The following GREB1L variants were observed in gnomAD, a reference collection of about 807,000 sequenced individuals.
GREB1L encodes GREB1 like retinoic acid receptor coactivator, also known as GREB1-like protein.
GREB1L carries 17 observed loss-of-function variants against 200.8 expected under a neutral mutation model. That is an observed-to-expected ratio of 0.08 (90% CI 0.06 to 0.13). The LOEUF (loss-of-function observed/expected upper bound fraction) is 0.13, where lower values mean the gene tolerates loss of function less well. GREB1L is among the 10% of genes least tolerant of loss of function. GREB1L has a pLI of 1.00. For synonymous variants in GREB1L, 789 were observed against 893.0 expected (o/e 0.88, Z 2.08); for missense variants, 1,657 against 2,367.7 (o/e 0.70, Z 6.23).
intron 29 of GREB1L, among the ~76,000 whole-genome samples, 196 bp from the exon 30 acceptor site, chr18:21,516,415 TCA>T (rs2037419428): frequency 6.6e-6 from 1 of 152,158 alleles, no homozygotes; most frequent in South Asian, 2.1e-4. Flanking sequence ...AAAAATAATC[TCA>T]CTTTCCCCTT....
At chr18:21,327,351 T>C (rs1258567952) in intron 1 of GREB1L, among the ~76,000 whole-genome samples, 1 of 152,150 alleles carries the variant, frequency 6.6e-6, no homozygotes, top group African/African-American at 2.4e-5. Flanking sequence ...CCCTTCCTCA[T>C]GTCCCAGACC....
At chr18:21,267,599 TAGCA>T (rs2037992476) in intron 1 of GREB1L, among the ~76,000 whole-genome samples, 1 of 152,192 alleles carries the variant, frequency 6.6e-6, no homozygotes, top group Non-Finnish European at 1.5e-5. Context: ...CCTCAGATCC[TAGCA>T]CAGATGTAGG....
chr18:21,433,554 T>G (rs2033316994), intron 7 of GREB1L, among the ~76,000 whole-genome samples: 1 of 152,200 alleles, frequency 6.6e-6, no homozygotes, highest in Admixed American at 6.5e-5. Flanking sequence ...TTCCCACAAC[T>G]TTGTAATGTT....
In GREB1L at chr18:21,381,538, CATAG is replaced by C. The variant is rs1035671491; in HGVS notation, c.-9-1967_-9-1964del. On this transcript the variant is annotated intron_variant, in intron 2 of 32. Coordinates refer to ENST00000424526, the MANE Select transcript of GREB1L (RefSeq NM_001142966.3). ...ATAATAAAACCCCACTGTATATGAA[CATAG>C]ATAGCATATTTTATGAAAAATAATT... Among the ~76,000 whole-genome samples the C allele has an allele frequency of 4.0e-5, 6 of 151,856 alleles. No homozygotes were observed. In the South Asian group the frequency reaches 6.2e-4, roughly 16 times the overall value.
At chr18:21,318,738 C>T (rs2038909214) in intron 1 of GREB1L, among the ~76,000 whole-genome samples, 4 of 152,140 alleles carry the variant, frequency 2.6e-5, no homozygotes, top group Admixed American at 2.6e-4. Context: ...ATAGTGACAG[C>T]TCTTTTAACC....
rs148720918 is a variant in GREB1L, at chr18:21,315,172, G to A, written c.-119-50855G>A. Among the ~76,000 whole-genome samples the A allele has an allele frequency of 7.1e-4, 108 of 152,110 alleles. 1 individual carries two copies. The highest frequency in any genetic ancestry group is 2.6e-3 in the African/African-American group (106 of 41,484). On this transcript the variant is annotated intron_variant, in intron 1 of 32. Transcript: ENST00000424526. ...TGGCATGGTTATGGCTCACTTTAAC[G>A]TCAAACTCCAGGGCTCAAGCAATCC...
chr18:21,377,391 C>T (rs1259713009), intron 2 of GREB1L, among the ~76,000 whole-genome samples: 5 of 152,154 alleles, frequency 3.3e-5, no homozygotes, highest in Admixed American at 3.3e-4. Flanking sequence ...TACTCCTTAA[C>T]CTGTATGTTT....
chr18:21,414,225 C>T (rs796480582), intron 7 of GREB1L, among the ~76,000 whole-genome samples: 2 of 152,114 alleles, frequency 1.3e-5, no homozygotes, highest in East Asian at 1.9e-4. Flanking sequence ...CATTATGAAC[C>T]GTGCAGCCAC....
Position 21,450,977 on chromosome 18 carries a change from C to A in GREB1L, c.1721-46C>A, listed in dbSNP as rs1233870344. 3.9e-6 allele frequency: 6 copies of A among 1,535,104 alleles called. No homozygotes were observed. The Admixed American group carries it at 1.0e-4, about 26-fold the overall frequency. On this transcript the variant is annotated intron_variant, in intron 12 of 32. Coordinates refer to ENST00000424526, the MANE Select transcript of GREB1L (RefSeq NM_001142966.3). ...GCCATTATAAGTAATGTTCCAGCAACATTTGTTCTGTTGATGAGTCTTCTC... is the reference window on the plus strand; with the variant it reads ...GCCATTATAAGTAATGTTCCAGCAAAATTTGTTCTGTTGATGAGTCTTCTC...
At chr18:21,438,651 A>G (rs562557671) in intron 7 of GREB1L, among the ~76,000 whole-genome samples, 1 of 151,728 alleles carries the variant, frequency 6.6e-6, no homozygotes, top group South Asian at 2.1e-4. Flanking sequence ...CCTGGGTGAC[A>G]GTGAGACCTT....
chr18:21,500,684 A>G, intron 23 of GREB1L, 42 bp downstream of exon 23: 1 of 1,348,572 alleles, frequency 7.4e-7, no homozygotes, highest in Non-Finnish European at 1.0e-6. Flanking sequence ...GGCAAGAGAC[A>G]AAGACATTGA....
At chr18:21,295,165 A>C (rs529491870) in intron 1 of GREB1L, among the ~76,000 whole-genome samples, 5 of 152,184 alleles carry the variant, frequency 3.3e-5, no homozygotes, top group Admixed American at 3.3e-4. Flanking sequence ...TTTATATCCT[A>C]AAATGGGGTG....
At chr18:21,476,279 T>C (rs1314393935) in intron 16 of GREB1L, among the ~76,000 whole-genome samples, 2 of 152,116 alleles carry the variant, frequency 1.3e-5, no homozygotes, top group Non-Finnish European at 2.9e-5. Context: ...TGCAAAGCTC[T>C]TTTTCAGAAG....
intron 19 of GREB1L, among the ~76,000 whole-genome samples, chr18:21,492,302 T>C (rs977243469): frequency 5.3e-5 from 8 of 151,170 alleles, no homozygotes; most frequent in African/African-American, 9.7e-5. Context: ...GCCGAGATTG[T>C]GCCACTACAC....
intron 4 of GREB1L, among the ~76,000 whole-genome samples, chr18:21,385,621 C>A (rs796549535): frequency 1.3e-5 from 2 of 152,234 alleles, no homozygotes; most frequent in African/African-American, 4.8e-5. Context: ...ATAATACAGG[C>A]CTTTAAGCCT....
chr18:21,331,918 G>A (rs2039111720), intron 1 of GREB1L, among the ~76,000 whole-genome samples: 1 of 152,084 alleles, frequency 6.6e-6, no homozygotes, highest in African/African-American at 2.4e-5. Flanking sequence ...AATATTTAAG[G>A]TATTTACATT....
intron 4 of GREB1L, among the ~76,000 whole-genome samples, chr18:21,388,559 T>A (rs1302351677): frequency 9.6e-6 from 1 of 103,758 alleles, no homozygotes; most frequent in Non-Finnish European, 1.7e-5. Context: ...TTTTTTTTTT[T>A]GAGACTGAAT....
chr18:21,465,939 G>A (rs1360969074), intron 15 of GREB1L, among the ~76,000 whole-genome samples: 6 of 152,010 alleles, frequency 3.9e-5, no homozygotes, highest in Admixed American at 6.6e-5. Context: ...ACTGAATTTT[G>A]TGTTTATCAT....
intron 6 of GREB1L, chr18:21,401,972 A>G (rs1022952745): frequency 2.0e-5 from 3 of 152,178 alleles, no homozygotes; most frequent in African/African-American, 7.2e-5. Context: ...TTCTCCATAT[A>G]ATAACTATTT....
Sources: allele counts gnomAD v4.1 joint callset (sites outside exome capture counted in the v4.1 genomes callset), GRCh38; gene constraint gnomAD v4.1.1; transcripts MANE v1.5; gene names NCBI Gene and HGNC (gene_info 2026-07-23, HGNC 2026-07-21).